Variants in DST observed in about 807,000 individuals in gnomAD.
DST encodes the protein dystonin.
DST carries 253 observed loss-of-function variants against 875.2 expected under a neutral mutation model. The observed-to-expected ratio is 0.29, with a 90% confidence interval of 0.26 to 0.32. DST has a LOEUF of 0.32. Ranked by LOEUF, DST falls within the 10% of genes least tolerant of loss-of-function variation. The pLI is 1.00. For missense variants in DST, 8,287 were observed against 9,111.6 expected, an observed-to-expected ratio of 0.91 and a Z score of 3.68; for synonymous variants, 3,124 against 3,197.1, an observed-to-expected ratio of 0.98 and a Z score of 0.77.
intron 4 of DST, among the ~76,000 whole-genome samples, chr6:56,838,848 T>C (rs2099796715): frequency 6.6e-6 from 1 of 152,212 alleles, no homozygotes; most frequent in Non-Finnish European, 1.5e-5. Context: ...ATTTTGAAAA[T>C]ACTAAGAAAC....
intron 61 of DST, among the ~76,000 whole-genome samples, chr6:56,549,793 C>G (rs1174204055): frequency 6.6e-6 from 1 of 152,116 alleles, no homozygotes; most frequent in African/African-American, 2.4e-5. Context: ...TTCGGGCTGT[C>G]TAAATTAGGC....
At chr6:56,740,611 A>G (rs1376566438) in intron 4 of DST, among the ~76,000 whole-genome samples, 1 of 152,216 alleles carries the variant, frequency 6.6e-6, no homozygotes, top group Non-Finnish European at 1.5e-5. Flanking sequence ...GGTTGCTTCC[A>G]CTATCCCCAA....
At chr6:56,946,145 C>T (rs1040555197) in intron 2 of DST, among the ~76,000 whole-genome samples, 1 of 152,114 alleles carries the variant, frequency 6.6e-6, no homozygotes, top group African/African-American at 2.4e-5. Flanking sequence ...AGTGCAGAAA[C>T]AGAGAGAGCC....
chr6:56,498,585 C>G (rs940925283), intron 80 of DST, among the ~76,000 whole-genome samples: 1 of 152,120 alleles, frequency 6.6e-6, no homozygotes, highest in African/African-American at 2.4e-5. Context: ...AAATTTCTCA[C>G]TTGGTTCAAG....
Position 56,606,305 on chromosome 6 carries a change from C to T in DST, c.8323G>A (p.Gly2775Arg), listed in dbSNP as rs45509696. 0.048 allele frequency: 77,571 copies of T among 1,603,978 alleles called. 2,237 individuals are homozygous for T. Among genetic ancestry groups the T allele is most frequent in the Middle Eastern group, 0.089 (540 of 6,048 alleles). Residue 2775 changes from glycine (G) to arginine (R), a missense_variant, in exon 40 of 104, where the codon GGA (glycine) becomes AGA (arginine). Physicochemically the swap from Gly to Arg is moderately radical, Grantham distance 125. Coordinates refer to ENST00000680361, the MANE Select transcript of DST (RefSeq NM_001374736.1). Reference sequence around the variant, plus strand: ...TCAGTATCGGAGTGAAATTCCTGTCCAGTTACATACTCTTCCTTTCTTCCT... The same window carrying T: ...TCAGTATCGGAGTGAAATTCCTGTCTAGTTACATACTCTTCCTTTCTTCCT... ...WRGRKEEYVT[G>R]QEFHSDTDHL... is the part of the protein sequence containing the mutation.
At chr6:56,836,311 G>A (rs2099793455) in intron 4 of DST, among the ~76,000 whole-genome samples, 1 of 152,090 alleles carries the variant, frequency 6.6e-6, no homozygotes, top group African/African-American at 2.4e-5. Context: ...CTATAGCTAT[G>A]CGACTCTTTA....
In DST at chr6:56,604,395, C is replaced by A. The variant is rs1414544863; in HGVS notation, c.10233G>T (p.Met3411Ile). 1 of 1,611,456 alleles carries A rather than the reference C, an allele frequency of 6.2e-7. No individual in the cohort carries two copies. Among genetic ancestry groups the A allele is most frequent in the Non-Finnish European group, 8.5e-7 (1 of 1,178,580 alleles). The part of the protein sequence containing the change: ...EASTVPSDSQ[M>I]SDSSGVSPMT... ...TGGGGGAAACTCCAGAAGAGTCACT[C>A]ATTTGAGAGTCGCTGGGCACAGTAG... The change falls in exon 40 of 104, where the codon ATG becomes ATT. Residue 3411 changes from methionine to isoleucine, a missense_variant. Coordinates refer to ENST00000680361, the MANE Select transcript of DST (RefSeq NM_001374736.1).
intron 3 of DST, among the ~76,000 whole-genome samples, chr6:56,855,168 C>G (rs1438404684): frequency 6.6e-6 from 1 of 152,302 alleles, no homozygotes; most frequent in African/African-American, 2.4e-5. Flanking sequence ...AAACCCAGTA[C>G]AGTAAATCCT....
intron 5 of DST, among the ~76,000 whole-genome samples, chr6:56,720,794 T>G (rs1057117846): frequency 1.3e-5 from 2 of 152,182 alleles, no homozygotes; most frequent in Non-Finnish European, 2.9e-5. Context: ...CTCTTTCTTT[T>G]CCCCACATTT....
chr6:56,509,922 C>A, intron 73 of DST, 49 bp from the exon 74 acceptor site: 2 of 1,354,712 alleles, frequency 1.5e-6, no homozygotes, highest in South Asian at 1.5e-5. Context: ...TCTGTAATAC[C>A]AAGTGTGAAA....
intron 82 of DST, among the ~76,000 whole-genome samples, chr6:56,495,446 G>A (rs1207099358): frequency 6.6e-6 from 1 of 151,866 alleles, no homozygotes; most frequent in Non-Finnish European, 1.5e-5. Flanking sequence ...ATTCTTAAAG[G>A]TAGGTTCTTT....
At chr6:56,709,262 C>A (rs1236099086) in intron 5 of DST, among the ~76,000 whole-genome samples, 2 of 152,284 alleles carry the variant, frequency 1.3e-5, no homozygotes, top group African/African-American at 4.8e-5. Flanking sequence ...AGAAAACACT[C>A]TATGGGCAAC....
rs2098507790 is a variant in DST, at chr6:56,607,382, T to C, written c.7246A>G (p.Thr2416Ala). ...CTGTTTGTATTATCTTCATTCTCTGTTTCATTCACACCACAGAATTTACTC... is the reference window on the plus strand; with the variant it reads ...CTGTTTGTATTATCTTCATTCTCTGCTTCATTCACACCACAGAATTTACTC... ...KMSKFCGVNE[T>A]ENEDNTNRDS... Residue 2416 changes from threonine (T) to alanine (A), a missense_variant, in exon 40 of 104, where the codon ACA (threonine) becomes GCA (alanine). Coordinates refer to ENST00000680361, the MANE Select transcript of DST (RefSeq NM_001374736.1). The C allele has an allele frequency of 1.2e-6, 2 of 1,612,764 alleles. No individual in the cohort carries two copies. The highest frequency in any genetic ancestry group is 1.7e-5 in the Admixed American group (1 of 59,846).
chr6:56,641,413 C>G (rs2098900299), intron 17 of DST, among the ~76,000 whole-genome samples: 1 of 151,994 alleles, frequency 6.6e-6, no homozygotes, highest in South Asian at 2.1e-4. Flanking sequence ...ATGGCAAAAC[C>G]CTGCCTCCAC....
chr6:56,830,681 C>T (rs2099785926), intron 4 of DST, among the ~76,000 whole-genome samples: 1 of 152,162 alleles, frequency 6.6e-6, no homozygotes, highest in South Asian at 2.1e-4. Context: ...ACTAAATCCT[C>T]TACAGTCAGC....
intron 90 of DST, among the ~76,000 whole-genome samples, chr6:56,477,866 G>A (rs1447473155): frequency 2.0e-5 from 3 of 152,146 alleles, no homozygotes; most frequent in Non-Finnish European, 2.9e-5. Context: ...CTAATACAAT[G>A]TAAATTGTTG....
intron 10 of DST, among the ~76,000 whole-genome samples, chr6:56,656,364 A>G (rs2099008650): frequency 6.6e-6 from 1 of 152,230 alleles, no homozygotes; most frequent in African/African-American, 2.4e-5. Flanking sequence ...CTCCCTTCTT[A>G]TGCTCTCATG....
chr6:56,496,395 A>T lies in DST; in HGVS notation c.20223+984T>A, dbSNP rs548866539. ...ACTCCAGACTGGACAGTTAAACAGA[A>T]GCCTCCTCTTTGTGTCTGTATTTGG... On this transcript the variant is annotated intron_variant, in intron 82 of 103. Coordinates refer to ENST00000680361, the MANE Select transcript of DST (RefSeq NM_001374736.1). Among the ~76,000 whole-genome samples the T allele has an allele frequency of 2.1e-4, 32 of 152,268 alleles. 1 individual carries two copies. The highest frequency in any genetic ancestry group is 7.2e-4 in the African/African-American group (30 of 41,566).
chr6:56,586,687 C>T (rs1419730733), intron 49 of DST, among the ~76,000 whole-genome samples: 10 of 152,128 alleles, frequency 6.6e-5, no homozygotes, highest in South Asian at 2.1e-4. Context: ...ACACCTCACA[C>T]GGCCAGGTAC....
Sources: gnomAD v4.1 joint callset for allele counts (sites outside exome capture counted in the v4.1 genomes callset) on GRCh38, gnomAD v4.1.1 for gene constraint, MANE v1.5 for transcripts, NCBI Gene and HGNC (gene_info 2026-07-23, HGNC 2026-07-21) for gene names.